IL12RB2: variants seen among roughly 807,000 people sequenced by gnomAD.
The protein encoded by IL12RB2 is interleukin-12 receptor subunit beta-2.
IL12RB2 carries 82 observed loss-of-function variants against 89.4 expected under a neutral mutation model. The ratio of observed to expected loss-of-function variants is 0.92; its 90% CI spans 0.77 to 1.10. The LOEUF (loss-of-function observed/expected upper bound fraction) is 1.10. Among genes scored for constraint, IL12RB2 ranks in the 50% least tolerant of loss-of-function variants. The pLI is 0.00. For missense variants in IL12RB2, 963 were observed against 1,031.9 expected (o/e 0.93, Z 0.92); for synonymous variants, 368 against 370.1 (o/e 0.99, Z 0.07).
chr1:67,369,908 G>A (rs1663104666), intron 11 of IL12RB2, among the ~76,000 whole-genome samples: 1 of 151,474 alleles, frequency 6.6e-6, no homozygotes, highest in African/African-American at 2.4e-5. Flanking sequence ...TATAATCCCA[G>A]CTACTTGGGA....
intron 10 of IL12RB2, among the ~76,000 whole-genome samples, chr1:67,363,484 G>A (rs1417863203): frequency 6.6e-6 from 1 of 152,026 alleles, no homozygotes; most frequent in African/African-American, 2.4e-5. Flanking sequence ...CCAAAGTGCT[G>A]GGATTACAGG....
In IL12RB2 at chr1:67,338,651, A is replaced by T. The variant is rs1174254245; in HGVS notation, c.986A>T (p.Tyr329Phe). 2.9e-5 allele frequency: 45 copies of T among 1,546,266 alleles called. No individual in the cohort carries two copies. In the East Asian group the frequency reaches 9.6e-4, roughly 33 times the overall value. ...CCTACTGGGATGTTAGATGTCTGGT[A>T]CATGAAACGGCACATTGACTACAGT... ...EEPTGMLDVW[Y>F]MKRHIDYSRQ... Residue 329 changes from tyrosine to phenylalanine, a missense_variant, in exon 9 of 17, where the codon TAC becomes TTC. Physicochemically the swap from Tyr to Phe is conservative, Grantham distance 22 (BLOSUM62 3). Coordinates refer to ENST00000674203, the MANE Select transcript of IL12RB2 (RefSeq NM_001374259.2).
In IL12RB2 at chr1:67,372,554, G is replaced by A. The variant is rs1196045786; in HGVS notation, c.1558+20G>A. 1 of 1,602,520 alleles carries A rather than the reference G, an allele frequency of 6.2e-7. No individual in the cohort carries two copies. Among genetic ancestry groups the A allele is most frequent in the Non-Finnish European group, 8.6e-7 (1 of 1,169,434 alleles). On this transcript the variant is annotated intron_variant, in intron 12 of 16. Transcript: ENST00000674203. ...ACAAAGGTGAGTCTTGGGATCTTTT[G>A]CCAAATTTTGCTTTAGTTTAATGAT...
chr1:67,390,156 C>A, intron 16 of IL12RB2, 28 bp downstream of exon 16: 1 of 904,082 alleles, frequency 1.1e-6, no homozygotes, highest in South Asian at 1.3e-5. Context: ...TGTGGTCAGT[C>A]AGTGGAGTTC....
intron 13 of IL12RB2, among the ~76,000 whole-genome samples, chr1:67,377,373 C>G (rs929257160): frequency 6.6e-6 from 1 of 152,066 alleles, no homozygotes. Flanking sequence ...CCTGTGATCA[C>G]CAGCATAGAT....
intron 8 of IL12RB2, among the ~76,000 whole-genome samples, chr1:67,337,611 AATAG>A (rs1472285877): frequency 1.3e-5 from 2 of 152,220 alleles, no homozygotes; most frequent in East Asian, 3.8e-4. Context: ...TTTGGCATTA[AATAG>A]ATAATATCAC....
At chr1:67,346,173 T>G (rs1241911801) in intron 9 of IL12RB2, among the ~76,000 whole-genome samples, 1 of 152,184 alleles carries the variant, frequency 6.6e-6, no homozygotes, top group Non-Finnish European at 1.5e-5. Flanking sequence ...TTGGGCAAAG[T>G]GCTTAAACTC....
intron 10 of IL12RB2, among the ~76,000 whole-genome samples, chr1:67,352,886 C>G (rs1660999281): frequency 6.6e-6 from 1 of 152,150 alleles, no homozygotes; most frequent in African/African-American, 2.4e-5. Flanking sequence ...GGAAGATACT[C>G]TTGTACACGC....
chr1:67,326,875 G>A (rs1409662034), intron 5 of IL12RB2, 26 bp downstream of exon 5: 10 of 1,398,410 alleles, frequency 7.2e-6, no homozygotes, highest in Non-Finnish European at 9.4e-6. Context: ...TATTTTTGCA[G>A]CTGTTTTGTA....
chr1:67,367,459 C>T (rs549217165), intron 10 of IL12RB2, among the ~76,000 whole-genome samples: 11 of 19,354 alleles, frequency 5.7e-4, no homozygotes, highest in South Asian at 3.6e-3. Context: ...AGGAAAGGAA[C>T]GAGGGAAGGA....
At chr1:67,385,316 A>G (rs1369132017) in intron 14 of IL12RB2, among the ~76,000 whole-genome samples, 1 of 152,244 alleles carries the variant, frequency 6.6e-6, no homozygotes, top group Non-Finnish European at 1.5e-5. Context: ...AAGCAGGGGT[A>G]AAGCCCCTTA....
In IL12RB2 at chr1:67,376,495, G is replaced by C. The variant is rs116508444; in HGVS notation, c.1718-3491G>C. Among the ~76,000 whole-genome samples the C allele has an allele frequency of 1.1e-3, 165 of 152,236 alleles. 1 individual carries two copies. Among genetic ancestry groups the C allele is most frequent in the African/African-American group, 3.9e-3 (160 of 41,538 alleles). ...CCTTTATCATTGAATCACCCTGAGT[G>C]TAAGTTTTCAGACCGCCAAGGATTG... is the stretch of plus-strand genomic sequence containing the variant. On this transcript the variant is annotated intron_variant, in intron 13 of 16. Coordinates refer to ENST00000674203, the MANE Select transcript of IL12RB2 (RefSeq NM_001374259.2).
intron 9 of IL12RB2, among the ~76,000 whole-genome samples, chr1:67,345,365 G>A (rs1206187941): frequency 1.3e-5 from 2 of 152,208 alleles, no homozygotes; most frequent in Non-Finnish European, 2.9e-5. Flanking sequence ...GAAAGGAACA[G>A]CTTATTCAGT....
chr1:67,322,938 G>T (rs140195407), intron 4 of IL12RB2, among the ~76,000 whole-genome samples: 41 of 152,316 alleles, frequency 2.7e-4, no homozygotes, highest in Middle Eastern at 3.4e-3. Context: ...GGCCCTGAGG[G>T]ATTCCATGGC....
intron 10 of IL12RB2, among the ~76,000 whole-genome samples, chr1:67,362,572 C>CAAA (rs956277979): frequency 7.4e-4 from 32 of 43,260 alleles, no homozygotes; most frequent in Non-Finnish European, 9.9e-4. Flanking sequence ...GACTCCGTCT[C>CAAA]AAAAAAAAAA....
At position 67,363,665 on chromosome 1, in the gene IL12RB2, A is replaced by G. The variant is rs563640934; in HGVS notation, c.1259-4160A>G. ...ATGAAAGATAGCAATGAATCCTAGC[A>G]AGGGATAAGAAGGAGGACTTTGGAT... On this transcript the variant is annotated intron_variant, in intron 10 of 16. Transcript: ENST00000674203. 3.9e-5 allele frequency among the ~76,000 whole-genome samples: 6 copies of G among 152,376 alleles called. No homozygotes were observed. The South Asian group carries it at 1.2e-3, about 32-fold the overall frequency.
chr1:67,349,248 CCTGG>C (rs1309704077), intron 9 of IL12RB2, among the ~76,000 whole-genome samples: 1 of 152,072 alleles, frequency 6.6e-6, no homozygotes, highest in Non-Finnish European at 1.5e-5. Context: ...CTCTTGGGTC[CCTGG>C]CCAGAAATAA....
At chr1:67,342,293 G>C (rs1485000025) in intron 9 of IL12RB2, among the ~76,000 whole-genome samples, 3 of 152,066 alleles carry the variant, frequency 2.0e-5, no homozygotes, top group Non-Finnish European at 4.4e-5. Context: ...CCACTGCAAA[G>C]AAGGAAATCT....
At chr1:67,386,775 G>T in intron 15 of IL12RB2, 106 bp downstream of exon 15, 1 of 813,792 alleles carries the variant, frequency 1.2e-6, no homozygotes. Context: ...CATTCCTGGT[G>T]AGAGACTAAA....
Sources: gnomAD v4.1 joint callset for allele counts (sites outside exome capture counted in the v4.1 genomes callset) on GRCh38, gnomAD v4.1.1 for gene constraint, MANE v1.5 for transcripts, NCBI Gene and HGNC (gene_info 2026-07-23, HGNC 2026-07-21) for gene names.